SLC24A2: variants seen among roughly 807,000 people sequenced by gnomAD.
The protein encoded by SLC24A2 is sodium/potassium/calcium exchanger 2.
Under a neutral mutation model 62.0 loss-of-function variants are expected in SLC24A2, and 36 were observed. The ratio of observed to expected loss-of-function variants is 0.58; its 90% CI spans 0.44 to 0.77. The LOEUF (loss-of-function observed/expected upper bound fraction) is 0.77, where lower values mean the gene tolerates loss of function less well. Among genes scored for constraint, SLC24A2 ranks in the 30% least tolerant of loss-of-function variants. The probability of loss-of-function intolerance (pLI) is 0.00; values close to 1 mark genes in which losing one functional copy is unlikely to be tolerated. For missense variants in SLC24A2, 846 were observed against 817.9 expected (o/e 1.03, Z -0.42); for synonymous variants, 358 against 294.0 (o/e 1.22, Z -2.23).
At chr9:19,857,889 C>T in the SLC24A2 span, among the ~76,000 whole-genome samples, 1 of 151,948 alleles carries the variant, frequency 6.6e-6, no homozygotes, top group Non-Finnish European at 1.5e-5. Flanking sequence ...ATTTCACTAG[C>T]TAGAACCTCC....
At chr9:20,209,163 C>G in the SLC24A2 span, among the ~76,000 whole-genome samples, 1 of 152,216 alleles carries the variant, frequency 6.6e-6, no homozygotes, top group Non-Finnish European at 1.5e-5. Flanking sequence ...TGATTGCTCA[C>G]ACCAGTCAAT....
chr9:19,606,519 A>G (rs955873836), intron 4 of SLC24A2, among the ~76,000 whole-genome samples: 40 of 152,224 alleles, frequency 2.6e-4, no homozygotes, highest in African/African-American at 9.6e-4. Context: ...TGGGGCAAGC[A>G]CTGGCTAAAG....
At chr9:20,201,279 T>C in the SLC24A2 span, among the ~76,000 whole-genome samples, 1 of 152,220 alleles carries the variant, frequency 6.6e-6, no homozygotes. Flanking sequence ...CCTCACTGAA[T>C]ACAGAGAAAG....
chr9:19,714,583 A>G lies in SLC24A2; in HGVS notation c.930+71354T>C, dbSNP rs77896105. Among the ~76,000 whole-genome samples the G allele has an allele frequency of 1.6e-4, 25 of 152,174 alleles. 1 individual carries two copies. In the East Asian group the frequency reaches 3.7e-3, roughly 22 times the overall value. The stretch of plus-strand genomic sequence containing the variant: ...ACATCACTTACCTTTTCCCTTCACT[A>G]TTTGTATGGAGGAGAAGCATTCCTT... On this transcript the variant is annotated intron_variant, in intron 2 of 10. Coordinates refer to ENST00000341998, the MANE Select transcript of SLC24A2 (RefSeq NM_020344.4).
chr9:19,667,171 C>T (rs963044865), intron 2 of SLC24A2, among the ~76,000 whole-genome samples: 22 of 152,194 alleles, frequency 1.4e-4, no homozygotes, highest in Middle Eastern at 3.4e-3. Flanking sequence ...AGGATCATAA[C>T]GAAAGAAAGA....
chr9:20,250,024 T>A, the SLC24A2 span, among the ~76,000 whole-genome samples: 26 of 152,210 alleles, frequency 1.7e-4, no homozygotes, highest in Admixed American at 3.9e-4. Flanking sequence ...TAATTTTCAA[T>A]TTTTGCTAAA....
At chr9:19,640,916 A>G (rs1213698566) in intron 2 of SLC24A2, among the ~76,000 whole-genome samples, 1 of 152,214 alleles carries the variant, frequency 6.6e-6, no homozygotes, top group Non-Finnish European at 1.5e-5. Flanking sequence ...CCTGGGTGTT[A>G]TCTTCTATTC....
At chr9:19,647,017 G>C (rs1441047769) in intron 2 of SLC24A2, among the ~76,000 whole-genome samples, 2 of 148,962 alleles carry the variant, frequency 1.3e-5, no homozygotes, top group African/African-American at 2.5e-5. Flanking sequence ...GATTTTCCCA[G>C]ATAAAATTAA....
At chr9:20,196,830 C>T in the SLC24A2 span, among the ~76,000 whole-genome samples, 8 of 152,140 alleles carry the variant, frequency 5.3e-5, no homozygotes, top group African/African-American at 1.9e-4. Flanking sequence ...GTAACATCAT[C>T]CCCTCCTAAA....
chr9:19,949,909 C>G, the SLC24A2 span, among the ~76,000 whole-genome samples: 2 of 152,194 alleles, frequency 1.3e-5, no homozygotes, highest in Non-Finnish European at 2.9e-5. Context: ...CACGGAGTGC[C>G]TTGCTAATCG....
chr9:20,080,281 A>G, the SLC24A2 span, among the ~76,000 whole-genome samples: 1 of 152,258 alleles, frequency 6.6e-6, no homozygotes, highest in African/African-American at 2.4e-5. Context: ...AAACAGAGAT[A>G]TAGACCAATG....
At chr9:20,201,642 T>G in the SLC24A2 span, among the ~76,000 whole-genome samples, 2 of 152,254 alleles carry the variant, frequency 1.3e-5, no homozygotes, top group African/African-American at 4.8e-5. Flanking sequence ...GCCTGCCTCA[T>G]TCCACAAAGA....
the SLC24A2 span, among the ~76,000 whole-genome samples, chr9:19,817,825 G>T: frequency 6.6e-6 from 1 of 152,090 alleles, no homozygotes. Context: ...TCACTCCTGA[G>T]TTCAAGGGAT....
chr9:19,554,470 T>C (rs1024745137), intron 7 of SLC24A2, among the ~76,000 whole-genome samples: 1 of 152,230 alleles, frequency 6.6e-6, no homozygotes, highest in Non-Finnish European at 1.5e-5. Context: ...CCATGGAATT[T>C]GGTAACCTTG....
chr9:19,728,258 T>C (rs1042976856), intron 2 of SLC24A2, among the ~76,000 whole-genome samples: 15 of 152,000 alleles, frequency 9.9e-5, no homozygotes, highest in Non-Finnish European at 1.6e-4. Context: ...ATGGTCTCAC[T>C]TGAGTTGCTT....
At chr9:19,905,575 G>T in the SLC24A2 span, among the ~76,000 whole-genome samples, 1 of 151,680 alleles carries the variant, frequency 6.6e-6, no homozygotes, top group South Asian at 2.1e-4. Flanking sequence ...TACCACACCC[G>T]GCTAATTTTG....
chr9:20,070,737 C>T, the SLC24A2 span, among the ~76,000 whole-genome samples: 1 of 152,154 alleles, frequency 6.6e-6, no homozygotes, highest in Admixed American at 6.5e-5. Context: ...GCTCAAAAAC[C>T]CTCTAAGGAT....
chr9:20,029,688 G>T, the SLC24A2 span, among the ~76,000 whole-genome samples: 1 of 152,178 alleles, frequency 6.6e-6, no homozygotes, highest in Non-Finnish European at 1.5e-5. Flanking sequence ...CCCAAGAAAT[G>T]GTTATGTTTA....
At chr9:19,549,658 C>A (rs1023541353) in intron 8 of SLC24A2, among the ~76,000 whole-genome samples, 4 of 152,164 alleles carry the variant, frequency 2.6e-5, no homozygotes, top group Non-Finnish European at 4.4e-5. Flanking sequence ...TCATTTCTGC[C>A]CAGGTGCCAG....
Sources: allele counts gnomAD v4.1 joint callset (sites outside exome capture counted in the v4.1 genomes callset), GRCh38; gene constraint gnomAD v4.1.1; transcripts MANE v1.5; gene names NCBI Gene and HGNC (gene_info 2026-07-23, HGNC 2026-07-21).